IQCM: variants seen among roughly 807,000 people sequenced by gnomAD.
IQCM encodes the protein IQ domain-containing protein M.
In IQCM, 45 loss-of-function variants were observed where a neutral mutation model predicts 57.6. The ratio of observed to expected loss-of-function variants is 0.78; its 90% CI spans 0.62 to 1.00. The LOEUF (loss-of-function observed/expected upper bound fraction) is 1.00. Ranked by LOEUF, IQCM falls within the 50% of genes least tolerant of loss-of-function variation. The pLI is 0.00. For missense variants in IQCM, 468 were observed against 511.6 expected (o/e 0.91, Z 0.82); for synonymous variants, 148 against 158.9 (o/e 0.93, Z 0.51).
At chr4:149,527,426 C>T (rs951337306) in intron 12 of IQCM, among the ~76,000 whole-genome samples, 1 of 152,164 alleles carries the variant, frequency 6.6e-6, no homozygotes, top group African/African-American at 2.4e-5. Flanking sequence ...TGGCACCTAA[C>T]AAGAGCTCTT....
chr4:149,732,618 G>A (rs960323003), intron 5 of IQCM, among the ~76,000 whole-genome samples: 4 of 152,076 alleles, frequency 2.6e-5, no homozygotes, highest in Non-Finnish European at 4.4e-5. Flanking sequence ...ACAAATGAGT[G>A]TATGAATAAA....
chr4:149,532,619 C>T (rs1372084642), intron 12 of IQCM, among the ~76,000 whole-genome samples: 3 of 147,128 alleles, frequency 2.0e-5, no homozygotes, highest in Non-Finnish European at 4.5e-5. Context: ...ACAATTTTTT[C>T]CTACACTACT....
At chr4:149,754,832 G>T (rs1383517225) in intron 2 of IQCM, among the ~76,000 whole-genome samples, 1 of 152,080 alleles carries the variant, frequency 6.6e-6, no homozygotes, top group Non-Finnish European at 1.5e-5. Context: ...TTGATAACTG[G>T]CAAATAGATA....
intron 2 of IQCM, among the ~76,000 whole-genome samples, chr4:149,813,952 A>C (rs1414790342): frequency 6.6e-6 from 1 of 152,028 alleles, no homozygotes; most frequent in Non-Finnish European, 1.5e-5. Context: ...CAAACCTCCC[A>C]ATAATTGAAC....
At chr4:149,440,666 T>C (rs908484904) in intron 12 of IQCM, among the ~76,000 whole-genome samples, 3 of 152,148 alleles carry the variant, frequency 2.0e-5, no homozygotes, top group Non-Finnish European at 4.4e-5. Flanking sequence ...AATACCACGC[T>C]ATTTCAGTAA....
intron 2 of IQCM, among the ~76,000 whole-genome samples, chr4:149,748,994 T>A (rs943327191): frequency 1.3e-5 from 2 of 152,146 alleles, no homozygotes; most frequent in Non-Finnish European, 2.9e-5. Context: ...TCAAAACTCA[T>A]TCATCACCCA....
At chr4:149,527,846 A>G (rs1480756655) in intron 12 of IQCM, among the ~76,000 whole-genome samples, 2 of 152,198 alleles carry the variant, frequency 1.3e-5, no homozygotes, top group Non-Finnish European at 2.9e-5. Context: ...TTCTGAGACA[A>G]TGTTCAAAGA....
chr4:149,434,870 A>G lies in IQCM; in HGVS notation c.1229-1313T>C, dbSNP rs997806065. On this transcript the variant is annotated intron_variant, in intron 12 of 13. Coordinates refer to ENST00000636793, the MANE Select transcript of IQCM (RefSeq NM_001363507.2). Reference sequence around the variant, plus strand: ...CCTCCCATCACTGGGCGCTTCCTAGATAGTTCCACCAGTGCAGCACCTTCC... The same window carrying G: ...CCTCCCATCACTGGGCGCTTCCTAGGTAGTTCCACCAGTGCAGCACCTTCC... 1.5e-3 allele frequency among the ~76,000 whole-genome samples: 226 copies of G among 152,132 alleles called. 1 individual carries two copies. Among genetic ancestry groups the G allele is most frequent in the African/African-American group, 5.3e-3 (219 of 41,544 alleles).
At chr4:149,505,332 A>G (rs1039752224) in intron 12 of IQCM, among the ~76,000 whole-genome samples, 42 of 152,310 alleles carry the variant, frequency 2.8e-4, no homozygotes, top group African/African-American at 1.0e-3. Context: ...AGAGTTTCTT[A>G]AAGGTGTTCT....
chr4:149,452,728 C>T (rs922787008), intron 12 of IQCM, among the ~76,000 whole-genome samples: 7 of 151,668 alleles, frequency 4.6e-5, no homozygotes, highest in Non-Finnish European at 8.9e-5. Flanking sequence ...ATTTTGCTCT[C>T]TTTATTATCG....
intron 13 of IQCM, among the ~76,000 whole-genome samples, chr4:149,366,358 C>T (rs1248298906): frequency 6.6e-6 from 1 of 151,806 alleles, no homozygotes; most frequent in African/African-American, 2.4e-5. Context: ...AGAAAGAACC[C>T]TATTTCAATC....
chr4:149,502,001 G>A (rs1050827327), intron 12 of IQCM, among the ~76,000 whole-genome samples: 5 of 152,162 alleles, frequency 3.3e-5, no homozygotes, highest in South Asian at 2.1e-4. Flanking sequence ...GCTCCCTCTC[G>A]ATTCACCTTA....
rs535720794 is a variant in IQCM at position 149,576,165 on chromosome 4, G to A, written c.749+11765C>T. On this transcript the variant is annotated intron_variant, in intron 9 of 13. Coordinates refer to ENST00000636793, the MANE Select transcript of IQCM (RefSeq NM_001363507.2). Reference sequence around the variant, plus strand: ...ATTTTTTTTCTTTCCAACTTTTCAGGTTTAGGGTGTACCCGTGCAGGATTT... The same window carrying A: ...ATTTTTTTTCTTTCCAACTTTTCAGATTTAGGGTGTACCCGTGCAGGATTT... 1.6e-4 allele frequency among the ~76,000 whole-genome samples: 25 copies of A among 151,616 alleles called. No individual in the cohort carries two copies. The South Asian group carries it at 5.2e-3, about 32-fold the overall frequency.
At chr4:149,751,459 T>C (rs1423944140) in intron 2 of IQCM, among the ~76,000 whole-genome samples, 1 of 152,150 alleles carries the variant, frequency 6.6e-6, no homozygotes, top group Non-Finnish European at 1.5e-5. Context: ...AGTAATCAAT[T>C]CATTCCAGTC....
intron 8 of IQCM, among the ~76,000 whole-genome samples, chr4:149,611,212 C>T (rs72726154): frequency 0.033 from 5,077 of 151,916 alleles, 124 homozygotes; most frequent in South Asian, 0.064. Context: ...ATAATGGATG[C>T]TGGTGAGAAT....
At chr4:149,394,891 A>G (rs1478879250) in intron 13 of IQCM, among the ~76,000 whole-genome samples, 1 of 152,008 alleles carries the variant, frequency 6.6e-6, no homozygotes, top group Non-Finnish European at 1.5e-5. Flanking sequence ...AGGGACTGAA[A>G]TGCTTCTAGA....
chr4:149,388,792 T>C (rs892794114), intron 13 of IQCM, among the ~76,000 whole-genome samples: 4 of 146,770 alleles, frequency 2.7e-5, no homozygotes, highest in Non-Finnish European at 6.0e-5. Context: ...CACACACACA[T>C]ATAATCAGAG....
intron 7 of IQCM, among the ~76,000 whole-genome samples, chr4:149,626,798 A>G (rs916220094): frequency 3.3e-5 from 5 of 152,170 alleles, no homozygotes; most frequent in Non-Finnish European, 5.9e-5. Context: ...CCAATTTGCA[A>G]TTGAGGAGAA....
Position 149,742,744 on chromosome 4 carries a change from A to C in IQCM, c.-48-5T>G. 1 of 1,117,420 alleles carries C rather than the reference A, an allele frequency of 8.9e-7. No homozygotes were observed. The highest frequency in any genetic ancestry group is 1.1e-6 in the Non-Finnish European group (1 of 883,586). 69.2% of individuals were successfully genotyped at this position (1,117,420 alleles called of 1,614,324 possible). A position where few individuals can be genotyped will look rare whatever the true frequency, so the allele number is the denominator to read the frequency against. ...TTAAAGTGTGAGCTCCAAGTCCTTA[A>C]ACACAGTTACATTAAGTAATTCAGT... is the stretch of plus-strand genomic sequence containing the variant. On this transcript the variant is annotated splice_region_variant and splice_polypyrimidine_tract_variant and intron_variant, in intron 2 of 13. Coordinates refer to ENST00000636793, the MANE Select transcript of IQCM (RefSeq NM_001363507.2).
Sources: gnomAD v4.1 joint callset for allele counts (sites outside exome capture counted in the v4.1 genomes callset) on GRCh38, gnomAD v4.1.1 for gene constraint, MANE v1.5 for transcripts, NCBI Gene and HGNC (gene_info 2026-07-23, HGNC 2026-07-21) for gene names.